ADAP1: variants seen among roughly 807,000 people sequenced by gnomAD.
ADAP1 encodes arf-GAP with dual PH domain-containing protein 1.
A neutral mutation model predicts 54.9 loss-of-function variants in ADAP1; 31 were observed. The ratio of observed to expected loss-of-function variants is 0.56; its 90% CI spans 0.42 to 0.76. ADAP1 has a LOEUF of 0.76. ADAP1 is among the 30% of genes least tolerant of loss of function. The pLI, the probability that ADAP1 is intolerant of heterozygous loss-of-function variation, is 0.00. For missense variants in ADAP1, 535 were observed against 512.4 expected (o/e 1.04, Z -0.42); for synonymous variants, 313 against 202.6 (o/e 1.55, Z -4.63).
chr7:927,682 A>G (rs1354084072), intron 2 of ADAP1, among the ~76,000 whole-genome samples: 1 of 152,156 alleles, frequency 6.6e-6, no homozygotes, highest in Non-Finnish European at 1.5e-5. Context: ...AAATACAAGG[A>G]GAGATCCTGT....
chr7:927,314 A>T, intron 2 of ADAP1: 1 of 1,136,042 alleles, frequency 8.8e-7, no homozygotes, highest in Non-Finnish European at 1.2e-6. Context: ...TGGCAGGCGC[A>T]AAGGCCCTGA....
Position 920,517 on chromosome 7 carries a change from C to A in ADAP1, c.306-467G>T, listed in dbSNP as rs537148881. Among the ~76,000 whole-genome samples, 23 of 151,496 alleles carry A rather than the reference C, an allele frequency of 1.5e-4. No individual in the cohort carries two copies. The highest frequency in any genetic ancestry group is 4.6e-4 in the Admixed American group (7 of 15,230). ...CCACCCACCGTGCTGCCACCTTGCA[C>A]CCCCCGTGCCGCCCTCCACCCGCCG... is the stretch of plus-strand genomic sequence containing the variant. On this transcript the variant is annotated intron_variant, in intron 3 of 10. Coordinates refer to ENST00000265846, the MANE Select transcript of ADAP1 (RefSeq NM_006869.4). The surrounding 1 kb of genome is among the most constrained non-coding windows in gnomAD (Gnocchi z 4.5).
At chr7:905,207 G>A (rs1394328601) in intron 4 of ADAP1, 35 bp from the exon 5 acceptor site, 20 of 1,549,590 alleles carry the variant, frequency 1.3e-5, no homozygotes, top group Non-Finnish European at 1.8e-5. Context: ...CGGTGACAGT[G>A]GATGGGGGGG....
At chr7:900,074 C>T (rs1290924702) in intron 8 of ADAP1, 28 bp downstream of exon 8, 1 of 1,612,430 alleles carries the variant, frequency 6.2e-7, no homozygotes, top group African/African-American at 1.3e-5. Context: ...CCCCAGGCCA[C>T]CCCAGGCCGC....
chr7:931,745 G>A (rs1562931579), intron 2 of ADAP1, among the ~76,000 whole-genome samples: 3 of 148,388 alleles, frequency 2.0e-5, no homozygotes, highest in African/African-American at 5.0e-5. Flanking sequence ...TGTTTTAAAA[G>A]GTATTATCAA....
chr7:904,285 G>C lies in ADAP1; in HGVS notation c.502-13C>G. 1 of 1,578,678 alleles carries C rather than the reference G, an allele frequency of 6.3e-7. No individual in the cohort carries two copies. On this transcript the variant is annotated splice_polypyrimidine_tract_variant and intron_variant, in intron 5 of 10. Transcript: ENST00000265846. ...TGGGCTCCTTGGCCTGAGAAGGGGTGGGGTCTAAGCACCTCACAGGGGCCG... is the reference window on the plus strand; with the variant it reads ...TGGGCTCCTTGGCCTGAGAAGGGGTCGGGTCTAAGCACCTCACAGGGGCCG...
intron 1 of ADAP1, among the ~76,000 whole-genome samples, chr7:936,181 G>A (rs1339844935): frequency 3.9e-5 from 6 of 152,112 alleles, no homozygotes; most frequent in Non-Finnish European, 7.4e-5. Context: ...GCTCAGGCCC[G>A]TAATCCCAGC....
intron 3 of ADAP1, chr7:923,037 C>A (rs979149025): frequency 3.3e-5 from 5 of 152,014 alleles, no homozygotes; most frequent in Non-Finnish European, 5.9e-5. Flanking sequence ...ATCCAACGTG[C>A]CCGGTGTCCT....
At chr7:918,711 T>C (rs1051895195) in intron 4 of ADAP1, among the ~76,000 whole-genome samples, 2 of 152,160 alleles carry the variant, frequency 1.3e-5, no homozygotes, top group Non-Finnish European at 2.9e-5. Context: ...TTGCCTCCGT[T>C]TCCCTGTCGA....
Position 945,653 on chromosome 7 carries a change from A to G in ADAP1, c.82+8743T>C. ...GGGCAGGCCCAAGACTCCAGCCCCC[A>G]CAAACATCCAGGCTGCCAGCACCGT... is the stretch of plus-strand genomic sequence containing the variant. On this transcript the variant is annotated intron_variant, in intron 1 of 10. Transcript: ENST00000265846. This position sits in a 1 kb window ranked among gnomAD's most constrained non-coding sequence, Gnocchi z 4.2. The G allele has an allele frequency of 1.2e-6, 1 of 849,332 alleles. No individual in the cohort carries two copies. Among genetic ancestry groups the G allele is most frequent in the Non-Finnish European group, 1.4e-6 (1 of 705,896 alleles). The allele number at this position is 849,332 out of a possible 1,614,324, so 52.6% of individuals were successfully genotyped here. A position where few individuals can be genotyped will look rare whatever the true frequency, so the allele number is the denominator to read the frequency against.
Position 938,169 on chromosome 7 carries a change from C to CTTGTA in ADAP1, c.83-2669_83-2665dup, listed in dbSNP as rs1180605119. Among the ~76,000 whole-genome samples, 8 of 151,814 alleles carry CTTGTA rather than the reference C, an allele frequency of 5.3e-5. No individual in the cohort carries two copies. In the East Asian group the frequency reaches 1.2e-3, roughly 22 times the overall value. ...TTTGGTTTTGCGGGGTTTTTTTTGT[C>CTTGTA]TTGTATTGTATTGTTTTGTTTTGAG... On this transcript the variant is annotated intron_variant, in intron 1 of 10. Transcript: ENST00000265846. The surrounding 1 kb of genome is among the most constrained non-coding windows in gnomAD (Gnocchi z 4.4).
At chr7:948,201 T>C (rs1306536394) in intron 1 of ADAP1, among the ~76,000 whole-genome samples, 7 of 137,992 alleles carry the variant, frequency 5.1e-5, no homozygotes, top group African/African-American at 2.0e-4. Flanking sequence ...TGTCTGTCCC[T>C]CCCTCCTCAC....
rs538875629 is a variant in ADAP1 at position 899,748 on chromosome 7, G to A, written c.796-258C>T. Among the ~76,000 whole-genome samples the A allele has an allele frequency of 1.3e-3, 204 of 152,060 alleles. No individual in the cohort carries two copies. In the Middle Eastern group the frequency reaches 0.014, roughly 10 times the overall value. On this transcript the variant is annotated intron_variant, in intron 8 of 10. Coordinates refer to ENST00000265846, the MANE Select transcript of ADAP1 (RefSeq NM_006869.4). Reference sequence around the variant, plus strand: ...AGATGGGGGCCCAGGCCTCACTTACGAGCCCTCACACCTGCACTTCTCCTC... The same window carrying A: ...AGATGGGGGCCCAGGCCTCACTTACAAGCCCTCACACCTGCACTTCTCCTC...
intron 6 of ADAP1, 76 bp from the exon 7 acceptor site, chr7:900,692 C>CCACAGAGGGGCTGGGGTCCA: frequency 7.4e-7 from 1 of 1,348,584 alleles, no homozygotes; most frequent in South Asian, 1.2e-5. Flanking sequence ...GCTGGGGTCC[C>CCACAGAGGGGCTGGGGTCCA]CACAGAGGGG....
At chr7:899,387 C>A (rs373427172) in intron 9 of ADAP1, 32 bp downstream of exon 9, 1 of 1,611,244 alleles carries the variant, frequency 6.2e-7, no homozygotes. Flanking sequence ...AGTGAGCTGC[C>A]CTCCCGTGCT....
In ADAP1 at chr7:945,361, G is replaced by A. The variant is rs1418843506; in HGVS notation, c.82+9035C>T. Among the ~76,000 whole-genome samples, 1 of 152,240 alleles carries A rather than the reference G, an allele frequency of 6.6e-6. No individual in the cohort carries two copies. Among genetic ancestry groups the A allele is most frequent in the South Asian group, 2.1e-4 (1 of 4,834 alleles). ...AGGGCCCCCACAGGCCCACGCAGGA[G>A]AGCCTCTCCCTAAGCCTGGGCTGCA... On this transcript the variant is annotated intron_variant, in intron 1 of 10. Coordinates refer to ENST00000265846, the MANE Select transcript of ADAP1 (RefSeq NM_006869.4). The surrounding 1 kb of genome is among the most constrained non-coding windows in gnomAD (Gnocchi z 4.2).
Position 945,700 on chromosome 7 carries a change from C to G in ADAP1, c.82+8696G>C, listed in dbSNP as rs1474077220. ...CCGTCTCCAGGAGCTGCCTCCTCCT[C>G]GGAGACTGCCCACAGCCGCCAGCCT... On this transcript the variant is annotated intron_variant, in intron 1 of 10. Transcript: ENST00000265846. This position sits in a 1 kb window ranked among gnomAD's most constrained non-coding sequence, Gnocchi z 4.2. 2.1e-6 allele frequency: 2 copies of G among 974,896 alleles called. No individual in the cohort carries two copies. Among genetic ancestry groups the G allele is most frequent in the Non-Finnish European group, 2.4e-6 (2 of 820,350 alleles). The allele number at this position is 974,896 out of a possible 1,614,324, so 60.4% of individuals were successfully genotyped here. A position where few individuals can be genotyped will look rare whatever the true frequency, so the allele number is the denominator to read the frequency against.
chr7:904,971 G>T, intron 5 of ADAP1, 89 bp downstream of exon 5: 1 of 1,157,330 alleles, frequency 8.6e-7, no homozygotes, highest in Non-Finnish European at 1.3e-6. Flanking sequence ...GGGCAGCTGC[G>T]GATGGACGCG....
At chr7:951,253 G>T (rs973466844) in intron 1 of ADAP1, among the ~76,000 whole-genome samples, 6 of 151,632 alleles carry the variant, frequency 4.0e-5, no homozygotes, top group African/African-American at 1.5e-4. Context: ...GGTGCCTGTA[G>T]TCCCAGCTAC....
Sources: gnomAD v4.1 joint callset for allele counts (sites outside exome capture counted in the v4.1 genomes callset) on GRCh38, gnomAD v4.1.1 for gene constraint, Gnocchi (gnomAD v3.1) non-coding constraint, MANE v1.5 for transcripts, NCBI Gene and HGNC (gene_info 2026-07-23, HGNC 2026-07-21) for gene names.